Variants in KLHL29 observed in about 807,000 individuals in gnomAD.
KLHL29 encodes kelch like family member 29, also known as kelch-like protein 29.
Under a neutral mutation model 80.4 loss-of-function variants are expected in KLHL29, and 21 were observed. The observed-to-expected ratio is 0.26, with a 90% CI of 0.19 to 0.38. KLHL29 has a LOEUF of 0.38. Among genes scored for constraint, KLHL29 ranks in the 10% least tolerant of loss-of-function variants. The probability of loss-of-function intolerance (pLI) is 1.00; values close to 1 mark genes in which losing one functional copy is unlikely to be tolerated. For missense variants in KLHL29, 867 were observed against 1,223.9 expected (o/e 0.71, Z 4.35); for synonymous variants, 511 against 526.8 (o/e 0.97, Z 0.41).
intron 1 of KLHL29, among the ~76,000 whole-genome samples, chr2:23,397,496 G>A (rs1156802732): frequency 1.3e-5 from 2 of 152,206 alleles, no homozygotes; most frequent in Admixed American, 6.5e-5. Flanking sequence ...TTTTATTCCT[G>A]GTATACCTTC....
intron 5 of KLHL29, among the ~76,000 whole-genome samples, chr2:23,670,899 C>T (rs1296363514): frequency 2.0e-5 from 2 of 98,942 alleles, no homozygotes; most frequent in African/African-American, 6.8e-5. Flanking sequence ...AGGGAGGGGT[C>T]TCTACACACA....
chr2:23,429,195 T>C (rs999003717), intron 1 of KLHL29, among the ~76,000 whole-genome samples: 1 of 152,344 alleles, frequency 6.6e-6, no homozygotes, highest in Non-Finnish European at 1.5e-5. Context: ...TGGGCCCTGC[T>C]CTGTCACTGA....
intron 2 of KLHL29, among the ~76,000 whole-genome samples, chr2:23,479,319 T>C (rs1214079770): frequency 6.6e-6 from 1 of 152,000 alleles, no homozygotes; most frequent in East Asian, 1.9e-4. Context: ...TTTGGGATTC[T>C]GGTCCGTTCC....
At chr2:23,399,616 A>G (rs1008971596) in intron 1 of KLHL29, among the ~76,000 whole-genome samples, 2 of 152,234 alleles carry the variant, frequency 1.3e-5, no homozygotes, top group Admixed American at 1.3e-4. Flanking sequence ...ATACAATGAA[A>G]TCTACAGCCT....
At chr2:23,656,167 C>T (rs1670238674) in intron 5 of KLHL29, among the ~76,000 whole-genome samples, 1 of 152,204 alleles carries the variant, frequency 6.6e-6, no homozygotes, top group African/African-American at 2.4e-5. Flanking sequence ...GAGAAGTCAG[C>T]GTCGACTTCA....
intron 3 of KLHL29, among the ~76,000 whole-genome samples, chr2:23,623,696 T>C (rs1035244613): frequency 7.9e-5 from 12 of 152,116 alleles, no homozygotes; most frequent in African/African-American, 2.9e-4. Context: ...GTGGAATGCA[T>C]GTGTGTGGGC....
At chr2:23,527,992 G>C in intron 2 of KLHL29, among the ~76,000 whole-genome samples, 1 of 152,228 alleles carries the variant, frequency 6.6e-6, no homozygotes, top group Non-Finnish European at 1.5e-5. Context: ...TAAAATGGGA[G>C]TTAATGGCGG....
intron 3 of KLHL29, among the ~76,000 whole-genome samples, chr2:23,621,593 A>G (rs1669184987): frequency 6.6e-6 from 1 of 152,038 alleles, no homozygotes; most frequent in South Asian, 2.1e-4. Flanking sequence ...CCCTGGTGCT[A>G]ATGGGACAGA....
intron 2 of KLHL29, among the ~76,000 whole-genome samples, chr2:23,480,499 CAAAAA>C (rs61231002): frequency 6.6e-6 from 1 of 151,488 alleles, no homozygotes; most frequent in South Asian, 2.1e-4. Flanking sequence ...CAAAAAAAAA[CAAAAA>C]AAAACTACAG....
chr2:23,547,321 G>A (rs370715679), intron 2 of KLHL29, among the ~76,000 whole-genome samples: 6 of 152,326 alleles, frequency 3.9e-5, no homozygotes, highest in East Asian at 3.9e-4. Context: ...GAGGGGAGAG[G>A]CTGTGGACCA....
chr2:23,447,293 A>G (rs997771729), intron 1 of KLHL29, among the ~76,000 whole-genome samples: 5 of 152,108 alleles, frequency 3.3e-5, no homozygotes. Flanking sequence ...ACTTCATGAT[A>G]CTTCTCCCTG....
intron 3 of KLHL29, among the ~76,000 whole-genome samples, chr2:23,583,465 T>C (rs1653725): frequency 0.84 from 127,795 of 152,266 alleles, 53,972 homozygotes; most frequent in East Asian, 1. Context: ...TTCCTAATGA[T>C]CACCTGCCTG....
At chr2:23,480,185 T>C (rs1200913831) in intron 2 of KLHL29, among the ~76,000 whole-genome samples, 1 of 151,988 alleles carries the variant, frequency 6.6e-6, no homozygotes, top group Non-Finnish European at 1.5e-5. Flanking sequence ...TTGACCGGAG[T>C]GCTTTAAGAA....
intron 1 of KLHL29, among the ~76,000 whole-genome samples, chr2:23,395,484 C>T (rs965725409): frequency 8.5e-5 from 13 of 152,186 alleles, no homozygotes; most frequent in African/African-American, 2.2e-4. Context: ...TGGTGGCTCA[C>T]GCCTGTGATC....
chr2:23,393,616 A>G (rs748724062), intron 1 of KLHL29, among the ~76,000 whole-genome samples: 7 of 152,150 alleles, frequency 4.6e-5, no homozygotes, highest in Non-Finnish European at 1.0e-4. Flanking sequence ...GTATTTTCCA[A>G]CTTCTTCTGT....
intron 3 of KLHL29, among the ~76,000 whole-genome samples, chr2:23,619,348 A>G (rs1276356105): frequency 6.6e-6 from 1 of 151,792 alleles, no homozygotes; most frequent in East Asian, 1.9e-4. Flanking sequence ...GCCGCTGGGG[A>G]AATTTTGAGG....
chr2:23,677,659 G>C (rs1236608463), intron 5 of KLHL29, among the ~76,000 whole-genome samples: 1 of 152,222 alleles, frequency 6.6e-6, no homozygotes, highest in Non-Finnish European at 1.5e-5. Context: ...TCAGACCGGG[G>C]AGGGAGGGCA....
rs1027002413 is a variant in KLHL29 at position 23,385,220 on chromosome 2, C to T, written c.-714C>T. ...GGAGCGAGCCAGAAGGGAGCATGGT[C>T]CCCGCGCCGCGGCCGCGCCAGCCCC... On this transcript the variant is annotated 5_prime_UTR_variant, in exon 1 of 14. Transcript: ENST00000486442. 2 of 149,060 alleles carry T rather than the reference C, an allele frequency of 1.3e-5. No individual in the cohort carries two copies. Among genetic ancestry groups the T allele is most frequent in the African/African-American group, 4.9e-5 (2 of 40,950 alleles). The allele number at this position is 149,060 out of a possible 1,614,324, so 9.2% of individuals were successfully genotyped here.
chr2:23,651,704 A>C (rs1304755678), intron 5 of KLHL29, among the ~76,000 whole-genome samples: 5 of 152,164 alleles, frequency 3.3e-5, no homozygotes, highest in African/African-American at 7.2e-5. Context: ...TGGCTTAAAC[A>C]ACAGAAATGT....
Sources: gnomAD v4.1 joint callset for allele counts (sites outside exome capture counted in the v4.1 genomes callset) on GRCh38, gnomAD v4.1.1 for gene constraint, MANE v1.5 for transcripts, NCBI Gene and HGNC (gene_info 2026-07-23, HGNC 2026-07-21) for gene names.